The following PHLDB2 variants were observed in gnomAD, a reference collection of about 807,000 sequenced individuals.
PHLDB2 encodes the protein pleckstrin homology like domain family B member 2.
PHLDB2 carries 71 observed loss-of-function variants against 123.6 expected under a neutral mutation model. The observed-to-expected ratio is 0.57, with a 90% CI of 0.47 to 0.70. PHLDB2 has a LOEUF of 0.70. Among genes scored for constraint, PHLDB2 ranks in the 30% least tolerant of loss-of-function variants. The pLI is 0.00. For synonymous variants in PHLDB2, 547 were observed against 541.6 expected, an observed-to-expected ratio of 1.01 and a Z score of -0.14; for missense variants, 1,446 against 1,519.5, an observed-to-expected ratio of 0.95 and a Z score of 0.80.
chr3:111,890,600 A>C (rs2066422681), intron 2 of PHLDB2, among the ~76,000 whole-genome samples: 1 of 152,246 alleles, frequency 6.6e-6, no homozygotes, highest in African/African-American at 2.4e-5. Flanking sequence ...AAGCTGGTTC[A>C]CTAAGCATAA....
At chr3:111,810,530 CTCTG>C (rs1181379321) in intron 1 of PHLDB2, among the ~76,000 whole-genome samples, 1 of 152,094 alleles carries the variant, frequency 6.6e-6, no homozygotes, top group Non-Finnish European at 1.5e-5. Flanking sequence ...GAAGAGAGGG[CTCTG>C]TCTGTCGTCT....
In PHLDB2 at chr3:111,930,950, T is replaced by A. The variant is rs200095750; in HGVS notation, c.2002-1319T>A. Among the ~76,000 whole-genome samples, 3 of 152,348 alleles carry A rather than the reference T, an allele frequency of 2.0e-5. No homozygotes were observed. In the East Asian group the frequency reaches 5.8e-4, roughly 29 times the overall value. On this transcript the variant is annotated intron_variant, in intron 5 of 17. Transcript: ENST00000431670. ...CTAAATTTAAGTGAAAAATGGAGACTCAAGTGAACTGGTATTGATATCATG... is the reference window on the plus strand; with the variant it reads ...CTAAATTTAAGTGAAAAATGGAGACACAAGTGAACTGGTATTGATATCATG...
chr3:111,951,135 A>G (rs953070385), intron 10 of PHLDB2, among the ~76,000 whole-genome samples: 1 of 152,166 alleles, frequency 6.6e-6, no homozygotes, highest in African/African-American at 2.4e-5. Flanking sequence ...AAGTGTTCTG[A>G]TGTCATTTTA....
intron 1 of PHLDB2, among the ~76,000 whole-genome samples, chr3:111,825,471 G>A (rs532228304): frequency 1.2e-4 from 18 of 152,300 alleles, no homozygotes; most frequent in Admixed American, 3.3e-4. Flanking sequence ...TTTGTGTGAC[G>A]TAATCTCCCT....
intron 2 of PHLDB2, among the ~76,000 whole-genome samples, chr3:111,848,989 A>C (rs1041684960): frequency 6.6e-6 from 1 of 152,178 alleles, no homozygotes; most frequent in African/African-American, 2.4e-5. Context: ...ATAATGACAA[A>C]ATTACCTAAC....
At chr3:111,864,822 A>C (rs1325798482) in intron 1 of PHLDB2, among the ~76,000 whole-genome samples, 1 of 152,212 alleles carries the variant, frequency 6.6e-6, no homozygotes, top group Non-Finnish European at 1.5e-5. Flanking sequence ...TGTGTATGCC[A>C]CTGTTTATCG....
intron 5 of PHLDB2, among the ~76,000 whole-genome samples, chr3:111,923,668 C>G (rs1409233386): frequency 6.6e-6 from 1 of 152,046 alleles, no homozygotes; most frequent in Non-Finnish European, 1.5e-5. Context: ...CTAGTTTTTC[C>G]AACCAGGAGA....
intron 2 of PHLDB2, among the ~76,000 whole-genome samples, chr3:111,846,770 A>T (rs2064010388): frequency 6.6e-6 from 1 of 152,206 alleles, no homozygotes; most frequent in Non-Finnish European, 1.5e-5. Flanking sequence ...GATTTTAAGC[A>T]ATTGTCTTAC....
intron 1 of PHLDB2, among the ~76,000 whole-genome samples, chr3:111,873,448 C>T (rs1156342153): frequency 6.6e-6 from 1 of 152,070 alleles, no homozygotes; most frequent in Non-Finnish European, 1.5e-5. Flanking sequence ...CAAACAGGTT[C>T]GAGTATATTA....
chr3:111,896,559 C>A (rs1465334224), intron 2 of PHLDB2, among the ~76,000 whole-genome samples: 3 of 152,024 alleles, frequency 2.0e-5, no homozygotes. Flanking sequence ...GTATGTTGGC[C>A]AGGCTGGTCT....
intron 8 of PHLDB2, among the ~76,000 whole-genome samples, chr3:111,940,911 T>A (rs1276763389): frequency 6.6e-6 from 1 of 152,246 alleles, no homozygotes; most frequent in Non-Finnish European, 1.5e-5. Context: ...TATTTTTAAA[T>A]GATTGTTTTC....
At chr3:111,768,855 T>C (rs1307077088) in intron 1 of PHLDB2, among the ~76,000 whole-genome samples, 3 of 152,206 alleles carry the variant, frequency 2.0e-5, no homozygotes, top group Non-Finnish European at 4.4e-5. Flanking sequence ...CTTGGATTCA[T>C]GTCTGGAATG....
In PHLDB2 at chr3:111,931,574, C is replaced by T. The variant is rs1366245115; in HGVS notation, c.2002-695C>T. On this transcript the variant is annotated intron_variant, in intron 5 of 17. Coordinates refer to ENST00000431670, the MANE Select transcript of PHLDB2 (RefSeq NM_001134438.2). ...GTCGTTGTGGGAAAGTCTGTATTTC[C>T]GCAGTCCCCGTCACATTTTTGGTGT... 2.6e-5 allele frequency among the ~76,000 whole-genome samples: 4 copies of T among 152,152 alleles called. No individual in the cohort carries two copies. The East Asian group carries it at 5.8e-4, about 22-fold the overall frequency.
At chr3:111,883,544 A>C (rs1305851775) in intron 1 of PHLDB2, among the ~76,000 whole-genome samples, 1 of 152,228 alleles carries the variant, frequency 6.6e-6, no homozygotes, top group African/African-American at 2.4e-5. Context: ...TCCTTGTTTA[A>C]AGAACCATCT....
rs766593215 is a variant in PHLDB2 at position 111,885,042 on chromosome 3, A to G, written c.965A>G (p.Asn322Ser). Residue 322 changes from asparagine (N) to serine (S), a missense_variant, in exon 2 of 18, where the codon AAT (asparagine) becomes AGT (serine). Transcript: ENST00000431670. ...TATAAAACCTCTGCTTCTGAAGGCA[A>G]TCCTTATGTAAGTTCTACCCTCAGT... ...LPYKTSASEGNPYVSSTLSVP... is the reference protein window; with the variant it reads ...LPYKTSASEGSPYVSSTLSVP... The G allele has an allele frequency of 5.9e-5, 95 of 1,614,024 alleles. No homozygotes were observed. The Middle Eastern group carries it at 8.2e-4, about 14-fold the overall frequency.
intron 10 of PHLDB2, among the ~76,000 whole-genome samples, chr3:111,950,526 A>T (rs1221843535): frequency 3.3e-5 from 5 of 152,154 alleles, no homozygotes; most frequent in Admixed American, 3.3e-4. Context: ...TATTCACCAG[A>T]TTTTTAAATA....
intron 1 of PHLDB2, among the ~76,000 whole-genome samples, chr3:111,761,045 C>T (rs190300051): frequency 3.3e-5 from 5 of 151,886 alleles, no homozygotes; most frequent in South Asian, 2.1e-4. Context: ...ATTATCTGCG[C>T]GTGGTGGTGC....
chr3:111,771,655 A>G (rs2060180858), intron 1 of PHLDB2, among the ~76,000 whole-genome samples: 1 of 152,128 alleles, frequency 6.6e-6, no homozygotes, highest in South Asian at 2.1e-4. Context: ...CTTCATCTTT[A>G]TATGGCATTC....
intron 1 of PHLDB2, among the ~76,000 whole-genome samples, chr3:111,766,782 C>T (rs1316771263): frequency 6.6e-6 from 1 of 152,092 alleles, no homozygotes; most frequent in Non-Finnish European, 1.5e-5. Context: ...CCTGTAATCC[C>T]AACACTCTGG....
Sources: gnomAD v4.1 joint callset for allele counts (sites outside exome capture counted in the v4.1 genomes callset) on GRCh38, gnomAD v4.1.1 for gene constraint, MANE v1.5 for transcripts, NCBI Gene and HGNC (gene_info 2026-07-23, HGNC 2026-07-21) for gene names.